Variants in CYTH3 observed in about 807,000 individuals in gnomAD.
CYTH3 encodes cytohesin 3, also known as cytohesin-3.
CYTH3 carries 23 observed loss-of-function variants against 55.1 expected under a neutral mutation model. The ratio of observed to expected loss-of-function variants is 0.42; its 90% CI spans 0.30 to 0.59. The LOEUF (loss-of-function observed/expected upper bound fraction) is 0.59. Among genes scored for constraint, CYTH3 ranks in the 20% least tolerant of loss-of-function variants. CYTH3 has a pLI of 0.20. For synonymous variants in CYTH3, 249 were observed against 194.9 expected (o/e 1.28, Z -2.31); for missense variants, 413 against 524.8 (o/e 0.79, Z 2.08).
At chr7:6,210,109 T>C (rs1240890569) in intron 1 of CYTH3, among the ~76,000 whole-genome samples, 1 of 152,078 alleles carries the variant, frequency 6.6e-6, no homozygotes, top group African/African-American at 2.4e-5. Flanking sequence ...TAAACTTCAG[T>C]TAGTAACAAG....
chr7:6,223,314 A>C (rs1779135257), intron 1 of CYTH3, among the ~76,000 whole-genome samples: 1 of 152,178 alleles, frequency 6.6e-6, no homozygotes, highest in Admixed American at 6.5e-5. Context: ...CCGTCTGGGA[A>C]GTGTACCCAA....
chr7:6,168,204 G>A (rs1480225718), intron 9 of CYTH3, among the ~76,000 whole-genome samples: 4 of 151,110 alleles, frequency 2.6e-5, no homozygotes, highest in African/African-American at 9.7e-5. Context: ...AGCTCGGATT[G>A]GGCCACCTCC....
At chr7:6,195,972 G>A (rs543445697) in intron 1 of CYTH3, among the ~76,000 whole-genome samples, 10 of 152,298 alleles carry the variant, frequency 6.6e-5, no homozygotes, top group African/African-American at 1.4e-4. Context: ...TGGTCTGGTA[G>A]CTCAACGATG....
intron 1 of CYTH3, among the ~76,000 whole-genome samples, chr7:6,199,552 A>G (rs1411827452): frequency 1.3e-5 from 2 of 152,258 alleles, no homozygotes; most frequent in African/African-American, 4.8e-5. Flanking sequence ...TCTCTTTCAA[A>G]AATAAAGATG....
In CYTH3 at chr7:6,199,700, A is replaced by G. The variant is rs149086632; in HGVS notation, c.35-9169T>C. Among the ~76,000 whole-genome samples the G allele has an allele frequency of 2.8e-3, 428 of 152,314 alleles. 10 individuals are homozygous for G. The South Asian group carries it at 0.065, about 23-fold the overall frequency. ...TAAAAATTTGTTACCGATGCAAAAC[A>G]ATGAAAGTCTTGTAAATGATAACTA... On this transcript the variant is annotated intron_variant, in intron 1 of 12. Coordinates refer to ENST00000350796, the MANE Select transcript of CYTH3 (RefSeq NM_004227.4).
chr7:6,254,975 C>A (rs115325244), intron 1 of CYTH3, among the ~76,000 whole-genome samples: 46 of 152,242 alleles, frequency 3.0e-4, no homozygotes, highest in African/African-American at 1.1e-3. Context: ...TCAGTTATTC[C>A]TCAGCCCAAA....
At position 6,169,047 on chromosome 7, in the gene CYTH3, T is replaced by C. The variant is rs1167411215; in HGVS notation, c.823+1488A>G. Reference sequence around the variant, plus strand: ...CAGGCACCCGAGCCAAAGACCATGGTACTAGGTTTTCAGGCAAATATCTAC... The same window carrying C: ...CAGGCACCCGAGCCAAAGACCATGGCACTAGGTTTTCAGGCAAATATCTAC... On this transcript the variant is annotated intron_variant, in intron 9 of 12. Transcript: ENST00000350796. This position sits in a 1 kb window ranked among gnomAD's most constrained non-coding sequence, Gnocchi z 4.1. 6.6e-6 allele frequency among the ~76,000 whole-genome samples: 1 copy of C among 152,116 alleles called. No homozygotes were observed. The highest frequency in any genetic ancestry group is 1.5e-5 in the Non-Finnish European group (1 of 68,016).
At chr7:6,187,208 G>A (rs1220095215) in intron 3 of CYTH3, 92 bp from the exon 4 acceptor site, 7 of 1,388,820 alleles carry the variant, frequency 5.0e-6, no homozygotes, top group East Asian at 2.3e-5. Context: ...CCGCAACAAC[G>A]GGCTCAAGGA....
intron 1 of CYTH3, among the ~76,000 whole-genome samples, chr7:6,245,290 G>A (rs1779780774): frequency 1.3e-5 from 2 of 151,936 alleles, no homozygotes; most frequent in Non-Finnish European, 2.9e-5. Flanking sequence ...TACAACTAGT[G>A]ACTTCTTTTT....
Position 6,165,352 on chromosome 7 carries a change from C to G in CYTH3, c.1048G>C (p.Val350Leu). The G allele has an allele frequency of 6.2e-7, 1 of 1,614,192 alleles. No homozygotes were observed. Among genetic ancestry groups the G allele is most frequent in the Non-Finnish European group, 8.5e-7 (1 of 1,180,034 alleles). Residue 350 changes from valine to leucine, a missense_variant, in exon 12 of 13, where the codon GTG becomes CTG. By Grantham distance (32) the Val-to-Leu change is conservative. This residue lies in a region of CYTH3 where 98 missense variants were observed against 115.2 expected (regional missense o/e 0.85). Transcript: ENST00000350796. ...TACACCACATGGTTCCCCTCTACCA[C>G]GCGGCCGTCGGCCTCAGTCTTACAG... ...KACKTEADGR[V>L]VEGNHVVYRI... is the part of the protein sequence containing the mutation.
chr7:6,172,822 T>C, intron 6 of CYTH3: 1 of 1,282,804 alleles, frequency 7.8e-7, no homozygotes, highest in Non-Finnish European at 1.0e-6. Flanking sequence ...TGTTGCGAAC[T>C]CTCAGCGCAC....
intron 6 of CYTH3, 21 bp downstream of exon 6, chr7:6,173,632 C>T (rs1413987260): frequency 6.4e-7 from 1 of 1,556,766 alleles, no homozygotes; most frequent in African/African-American, 1.4e-5. Context: ...CACTCTACAC[C>T]CAGCAAATGA....
At chr7:6,207,283 A>G (rs1006611070) in intron 1 of CYTH3, among the ~76,000 whole-genome samples, 6 of 151,860 alleles carry the variant, frequency 4.0e-5, no homozygotes, top group African/African-American at 1.4e-4. Flanking sequence ...TTTAGTAGAG[A>G]CAGGGCTTCA....
chr7:6,166,848 G>C (rs987191788), intron 9 of CYTH3, among the ~76,000 whole-genome samples: 3 of 152,128 alleles, frequency 2.0e-5, no homozygotes, highest in African/African-American at 7.2e-5. Context: ...CGCCAGCCTG[G>C]AACAGGAGCC....
chr7:6,271,732 G>T (rs935290327), intron 1 of CYTH3, among the ~76,000 whole-genome samples: 2 of 152,102 alleles, frequency 1.3e-5, no homozygotes, highest in African/African-American at 4.8e-5. Flanking sequence ...GACGCGCATC[G>T]ACCCGACCCA....
In CYTH3 at chr7:6,170,882, G is replaced by A; in HGVS notation, c.659C>T (p.Ala220Val). Residue 220 changes from alanine (A) to valine (V), a missense_variant, in exon 8 of 13, where the codon GCC becomes GTC. By Grantham distance (64) the Ala-to-Val change is moderately conservative (BLOSUM62 0). This residue lies in a region of CYTH3 where 156 missense variants were observed against 233.1 expected (regional missense o/e 0.67). Coordinates refer to ENST00000350796, the MANE Select transcript of CYTH3 (RefSeq NM_004227.4). This position sits in a 1 kb window ranked among gnomAD's most constrained non-coding sequence, Gnocchi z 7.8. ...RDKPTAERFI[A>V]MNRGINEGGD... The stretch of plus-strand genomic sequence containing the variant: ...GCCCTCGTTGATGCCGCGGTTCATG[G>A]CGATGAACCGTTCTGCCGTGGGCTT... The A allele has an allele frequency of 2.5e-6, 4 of 1,613,760 alleles. No individual in the cohort carries two copies. The highest frequency in any genetic ancestry group is 3.4e-6 in the Non-Finnish European group (4 of 1,179,838).
intron 1 of CYTH3, among the ~76,000 whole-genome samples, chr7:6,210,431 T>G (rs1202649020): frequency 1.3e-5 from 2 of 152,228 alleles, no homozygotes; most frequent in Non-Finnish European, 2.9e-5. Flanking sequence ...AGAAGATTCC[T>G]TATCAAATTT....
At chr7:6,179,080 T>C (rs1185300792) in intron 4 of CYTH3, among the ~76,000 whole-genome samples, 1 of 152,172 alleles carries the variant, frequency 6.6e-6, no homozygotes, top group Non-Finnish European at 1.5e-5. Context: ...AGAAATTTCC[T>C]ATTTTTTTTA....
chr7:6,210,968 G>A lies in CYTH3; in HGVS notation c.35-20437C>T, dbSNP rs192228324. On this transcript the variant is annotated intron_variant, in intron 1 of 12. Coordinates refer to ENST00000350796, the MANE Select transcript of CYTH3 (RefSeq NM_004227.4). ...ACAAAATGGAGAAATCGATATTCCG[G>A]AATTTTTTCTCAATTTCCTTTCCAA... Among the ~76,000 whole-genome samples, 205 of 152,298 alleles carry A rather than the reference G, an allele frequency of 1.3e-3. 1 individual carries two copies. Among genetic ancestry groups the A allele is most frequent in the Non-Finnish European group, 1.9e-3 (128 of 68,028 alleles).
Sources: gnomAD v4.1 joint callset for allele counts (sites outside exome capture counted in the v4.1 genomes callset) on GRCh38, gnomAD v4.1.1 for gene constraint, gnomAD v4.1.1 regional missense constraint, Gnocchi (gnomAD v3.1) non-coding constraint, MANE v1.5 for transcripts, NCBI Gene and HGNC (gene_info 2026-07-23, HGNC 2026-07-21) for gene names.